FNBP1: variants seen among roughly 807,000 people sequenced by gnomAD.
FNBP1 encodes formin-binding protein 1.
FNBP1 carries 26 observed loss-of-function variants against 90.6 expected under a neutral mutation model. The ratio of observed to expected loss-of-function variants is 0.29; its 90% confidence interval spans 0.21 to 0.40. The LOEUF is 0.40. Ranked by LOEUF, FNBP1 falls within the 10% of genes least tolerant of loss-of-function variation. The pLI is 1.00. For missense variants in FNBP1, 635 were observed against 768.0 expected (o/e 0.83, Z 2.05); for synonymous variants, 260 against 265.2 (o/e 0.98, Z 0.19).
intron 1 of FNBP1, among the ~76,000 whole-genome samples, chr9:130,000,920 C>T (rs764382824): frequency 1.4e-4 from 22 of 152,186 alleles, no homozygotes; most frequent in Admixed American, 1.1e-3. Flanking sequence ...TAAAGAGCTT[C>T]TCATCTTACT....
intron 1 of FNBP1, among the ~76,000 whole-genome samples, chr9:130,027,895 G>A (rs976672665): frequency 1.3e-5 from 2 of 151,838 alleles, no homozygotes; most frequent in Non-Finnish European, 2.9e-5. Flanking sequence ...AGAAAAAAAC[G>A]CACGGCTATT....
intron 13 of FNBP1, among the ~76,000 whole-genome samples, chr9:129,901,071 AC>A (rs1286330316): frequency 1.3e-5 from 2 of 152,094 alleles, no homozygotes; most frequent in Non-Finnish European, 2.9e-5. Flanking sequence ...AGATAAAATG[AC>A]CTTCAGCATT....
intron 2 of FNBP1, among the ~76,000 whole-genome samples, chr9:129,988,407 G>T (rs1391590651): frequency 6.6e-6 from 1 of 152,096 alleles, no homozygotes; most frequent in Non-Finnish European, 1.5e-5. Flanking sequence ...GGCCAGGTGC[G>T]GTGGCTCATG....
At chr9:129,925,212 TAAAC>T in intron 8 of FNBP1, 55 bp from the exon 9 acceptor site, 1 of 1,450,812 alleles carries the variant, frequency 6.9e-7, no homozygotes, top group Non-Finnish European at 9.6e-7. Flanking sequence ...AAACACTTTT[TAAAC>T]AATGAATTGG....
chr9:129,907,580 GGTGTGTGTGT>G (rs55973122), intron 12 of FNBP1, among the ~76,000 whole-genome samples: 6,718 of 147,110 alleles, frequency 0.046, 168 homozygotes, highest in South Asian at 0.094. Flanking sequence ...TAGGAGTGAG[GGTGTGTGTGT>G]GTGTGTGTGT....
intron 11 of FNBP1, 84 bp from the exon 12 acceptor site, chr9:129,909,083 G>C (rs546517058): frequency 4.6e-6 from 4 of 876,366 alleles, no homozygotes; most frequent in African/African-American, 1.6e-5. Context: ...GCAGCCATGG[G>C]GGGTGCAGAC....
At chr9:129,995,722 A>C (rs2053888776) in intron 1 of FNBP1, among the ~76,000 whole-genome samples, 1 of 152,224 alleles carries the variant, frequency 6.6e-6, no homozygotes, top group Non-Finnish European at 1.5e-5. Context: ...GCTAATGCAA[A>C]GACATGGAGA....
intron 5 of FNBP1, 24 bp downstream of exon 5, chr9:129,958,466 CT>C: frequency 6.4e-7 from 1 of 1,553,546 alleles, no homozygotes. Context: ...AAAGCCGTTT[CT>C]TTTGCTGTGC....
chr9:130,038,284 G>A (rs2059511821), intron 1 of FNBP1, among the ~76,000 whole-genome samples: 1 of 150,278 alleles, frequency 6.7e-6, no homozygotes, highest in Non-Finnish European at 1.5e-5. Context: ...CAACCCGGGA[G>A]GCGGAGCTTG....
At chr9:129,983,846 C>A (rs1174303064) in intron 2 of FNBP1, among the ~76,000 whole-genome samples, 1 of 151,998 alleles carries the variant, frequency 6.6e-6, no homozygotes, top group East Asian at 1.9e-4. Flanking sequence ...CCCACAACAA[C>A]AACAACAAAA....
chr9:130,003,213 C>G (rs2055124975), intron 1 of FNBP1, among the ~76,000 whole-genome samples: 1 of 151,956 alleles, frequency 6.6e-6, no homozygotes, highest in South Asian at 2.1e-4. Flanking sequence ...AATCCCAGTA[C>G]TTTGGGAGGT....
At chr9:130,004,891 C>T (rs2055422553) in intron 1 of FNBP1, among the ~76,000 whole-genome samples, 1 of 151,852 alleles carries the variant, frequency 6.6e-6, no homozygotes. Flanking sequence ...CATGGTGAAA[C>T]CCTGTCTCTA....
intron 2 of FNBP1, among the ~76,000 whole-genome samples, chr9:129,988,864 A>C (rs184578320): frequency 6.6e-6 from 1 of 152,294 alleles, no homozygotes; most frequent in East Asian, 1.9e-4. Context: ...ACAGGAATCA[A>C]AGTCTCACGT....
At chr9:130,046,096 G>A (rs1019508955), upstream of FNBP1, among the ~76,000 whole-genome samples, 10 of 151,956 alleles carry the variant, frequency 6.6e-5, no homozygotes, top group African/African-American at 1.9e-4. Flanking sequence ...ATATTTTGTC[G>A]TCAACCTTGT....
At chr9:129,984,709 C>T (rs1450036401) in intron 2 of FNBP1, among the ~76,000 whole-genome samples, 5 of 151,978 alleles carry the variant, frequency 3.3e-5, no homozygotes, top group African/African-American at 1.2e-4. Context: ...GTGGAAGGGA[C>T]CCAGGGGGAA....
intron 1 of FNBP1, among the ~76,000 whole-genome samples, chr9:130,005,062 CAAAAAAAAAAAA>C (rs573686773): frequency 5.4e-5 from 5 of 92,786 alleles, no homozygotes; most frequent in Admixed American, 1.3e-4. Context: ...AAGACTGTCT[CAAAAAAAAAAAA>C]AAAAAAAAAA....
intron 2 of FNBP1, among the ~76,000 whole-genome samples, chr9:129,994,156 A>T (rs1020329986): frequency 3.9e-5 from 6 of 152,208 alleles, no homozygotes; most frequent in Admixed American, 6.5e-5. Flanking sequence ...TTATAGCTTA[A>T]ATTAGAAACA....
chr9:129,913,836 C>A (rs1171613283), intron 11 of FNBP1, among the ~76,000 whole-genome samples: 5 of 151,886 alleles, frequency 3.3e-5, no homozygotes, highest in Non-Finnish European at 7.4e-5. Context: ...ATAGCACAAG[C>A]TCCGTGTAAT....
Position 130,042,915 on chromosome 9 carries a change from G to T in FNBP1, c.24+37C>A. ...CAGGCCGCGGGGAAACGCAGCGCGC[G>T]CCCCGCATCTGCCCGCGGGCCCAGC... On this transcript the variant is annotated intron_variant, in intron 1 of 16. Transcript: ENST00000446176. The surrounding 1 kb of genome is among the most constrained non-coding windows in gnomAD (Gnocchi z 5.5). 1 of 1,216,408 alleles carries T rather than the reference G, an allele frequency of 8.2e-7. No homozygotes were observed. The highest frequency in any genetic ancestry group is 4.3e-5 in the Admixed American group (1 of 23,426). The allele number at this position is 1,216,408 out of a possible 1,614,324, so 75.4% of individuals were successfully genotyped here. A position where few individuals can be genotyped will look rare whatever the true frequency, so the allele number is the denominator to read the frequency against.
Sources: allele counts gnomAD v4.1 joint callset (sites outside exome capture counted in the v4.1 genomes callset), GRCh38; gene constraint gnomAD v4.1.1; non-coding constraint Gnocchi (gnomAD v3.1); transcripts MANE v1.5; gene names NCBI Gene and HGNC (gene_info 2026-07-23, HGNC 2026-07-21).